The following FBXO10 variants were observed in gnomAD, a reference collection of about 807,000 sequenced individuals.
FBXO10 encodes the protein F-box only protein 10.
A neutral mutation model predicts 80.7 loss-of-function variants in FBXO10; 39 were observed. The ratio of observed to expected loss-of-function variants is 0.48; its 90% CI spans 0.37 to 0.63. The LOEUF (loss-of-function observed/expected upper bound fraction) is 0.63. Among genes scored for constraint, FBXO10 ranks in the 30% least tolerant of loss-of-function variants. The probability of loss-of-function intolerance (pLI) is 0.00; values close to 1 mark genes in which losing one functional copy is unlikely to be tolerated. For synonymous variants in FBXO10, 449 were observed against 489.6 expected, an observed-to-expected ratio of 0.92 and a Z score of 1.09; for missense variants, 1,025 against 1,269.0, an observed-to-expected ratio of 0.81 and a Z score of 2.92.
chr9:37,513,841 C>T (rs1442119959), intron 10 of FBXO10, among the ~76,000 whole-genome samples: 3 of 152,136 alleles, frequency 2.0e-5, no homozygotes, highest in Non-Finnish European at 2.9e-5. Context: ...CCACCCACCT[C>T]GGCCTCCCAA....
At chr9:37,526,121 G>T (rs538765894) in intron 5 of FBXO10, among the ~76,000 whole-genome samples, 1 of 152,088 alleles carries the variant, frequency 6.6e-6, no homozygotes, top group East Asian at 1.9e-4. Context: ...ATACAGGAGG[G>T]ATGAGAAAAC....
chr9:37,531,113 T>G (rs892435828), intron 4 of FBXO10, among the ~76,000 whole-genome samples: 6 of 152,296 alleles, frequency 3.9e-5, no homozygotes, highest in African/African-American at 1.2e-4. Flanking sequence ...TAATAATTCT[T>G]CACAGGGTTC....
chr9:37,567,700 T>G (rs1341199597), intron 1 of FBXO10, among the ~76,000 whole-genome samples: 3 of 152,090 alleles, frequency 2.0e-5, no homozygotes, highest in Admixed American at 2.0e-4. Flanking sequence ...TGGCTAATTT[T>G]TGCATTTTTA....
chr9:37,528,680 C>T (rs778263439), intron 5 of FBXO10, among the ~76,000 whole-genome samples: 2 of 152,216 alleles, frequency 1.3e-5, no homozygotes, highest in African/African-American at 2.4e-5. Context: ...AGGACTGCCA[C>T]TGCTGCCTCC....
chr9:37,530,159 T>C (rs1302567728), intron 4 of FBXO10, among the ~76,000 whole-genome samples: 1 of 152,256 alleles, frequency 6.6e-6, no homozygotes, highest in Non-Finnish European at 1.5e-5. Flanking sequence ...TCTAAGTTAA[T>C]TTATAGCTGA....
At chr9:37,518,477 G>A (rs1459799080) in intron 8 of FBXO10, 39 bp from the exon 9 acceptor site, 27 of 1,521,696 alleles carry the variant, frequency 1.8e-5, no homozygotes, top group Non-Finnish European at 2.2e-5. Context: ...GGGGTCCCAG[G>A]GTCAGCCCTG....
At chr9:37,545,923 G>C (rs139633087) in intron 1 of FBXO10, among the ~76,000 whole-genome samples, 14 of 152,098 alleles carry the variant, frequency 9.2e-5, no homozygotes, top group African/African-American at 3.4e-4. Flanking sequence ...GAGGTGGGTG[G>C]ATCACTTGAA....
At chr9:37,518,804 G>C (rs1017152007) in intron 8 of FBXO10, among the ~76,000 whole-genome samples, 5 of 152,094 alleles carry the variant, frequency 3.3e-5, no homozygotes, top group African/African-American at 4.8e-5. Context: ...CCGCCTCAAG[G>C]CTGCTCACTC....
At chr9:37,514,691 G>A (rs959800216) in intron 10 of FBXO10, among the ~76,000 whole-genome samples, 5 of 152,030 alleles carry the variant, frequency 3.3e-5, no homozygotes, top group South Asian at 4.1e-4. Context: ...AAAATCAGCC[G>A]GGAGTGGTGG....
chr9:37,538,525 T>A (rs1821834665), intron 2 of FBXO10, among the ~76,000 whole-genome samples: 1 of 152,018 alleles, frequency 6.6e-6, no homozygotes, highest in Non-Finnish European at 1.5e-5. Flanking sequence ...CTTGTCAACA[T>A]GGTGAAACCT....
intron 2 of FBXO10, among the ~76,000 whole-genome samples, chr9:37,540,332 C>A (rs1821879212): frequency 6.6e-6 from 1 of 151,980 alleles, no homozygotes. Context: ...GGATTACAGG[C>A]ACCTGCCACC....
intron 5 of FBXO10, among the ~76,000 whole-genome samples, chr9:37,526,249 T>C (rs188509553): frequency 6.6e-6 from 1 of 152,200 alleles, no homozygotes; most frequent in East Asian, 1.9e-4. Flanking sequence ...GAAACATATA[T>C]AACATATAAA....
rs117343700 is a variant in FBXO10, at chr9:37,536,990, C to T, written c.1419+120G>A. The T allele has an allele frequency of 1.2e-4, 90 of 723,710 alleles. 2 individuals are homozygous for T. Among genetic ancestry groups the T allele is most frequent in the South Asian group, 5.9e-4 (30 of 50,596 alleles). 44.8% of individuals were successfully genotyped at this position (723,710 alleles called of 1,614,324 possible). ...TTTCCAAATCAGATGATGGGCATGACGTCAAGCGTGCGTGAATAAGTTTAA... is the reference window on the plus strand; with the variant it reads ...TTTCCAAATCAGATGATGGGCATGATGTCAAGCGTGCGTGAATAAGTTTAA... On this transcript the variant is annotated intron_variant, in intron 3 of 10. Coordinates refer to ENST00000432825, the MANE Select transcript of FBXO10 (RefSeq NM_012166.3).
In FBXO10 at chr9:37,521,648, C is replaced by T; in HGVS notation, c.2121G>A (p.Glu707=). The T allele has an allele frequency of 6.2e-7, 1 of 1,613,950 alleles. No individual in the cohort carries two copies. The highest frequency in any genetic ancestry group is 8.5e-7 in the Non-Finnish European group (1 of 1,179,880). ...EDGDAILWET[E]LEKEDDPLRR... ...GCAGTGGGTCGTCCTCCTTCTCCAG[C>T]TCTGTCTCCCAGAGGATGGCGTCCC... is the stretch of plus-strand genomic sequence containing the variant. Residue 707 remains glutamate, a synonymous_variant, in exon 8 of 11, where the codon GAG becomes GAA. Coordinates refer to ENST00000432825, the MANE Select transcript of FBXO10 (RefSeq NM_012166.3).
At chr9:37,533,316 T>A (rs891795216) in intron 3 of FBXO10, among the ~76,000 whole-genome samples, 1 of 149,238 alleles carries the variant, frequency 6.7e-6, no homozygotes, top group Admixed American at 6.7e-5. Context: ...GAGGCCGAGG[T>A]GGGCGGATCA....
intron 1 of FBXO10, among the ~76,000 whole-genome samples, chr9:37,544,723 G>C (rs1822008785): frequency 6.6e-6 from 1 of 152,060 alleles, no homozygotes; most frequent in African/African-American, 2.4e-5. Flanking sequence ...GGCCGGGCGC[G>C]GTGGCTCACG....
At position 37,556,533 on chromosome 9, in the gene FBXO10, ATTTTTTTTTT is replaced by A. The variant is rs60829486; in HGVS notation, c.-6-14769_-6-14760del. Among the ~76,000 whole-genome samples the A allele has an allele frequency of 5.2e-4, 39 of 75,114 alleles. No homozygotes were observed. The South Asian group carries it at 0.016, about 32-fold the overall frequency. The allele number at this position is 75,114 out of a possible 152,430, so 49.3% of individuals were successfully genotyped here. A position where few individuals can be genotyped will look rare whatever the true frequency, so the allele number is the denominator to read the frequency against. On this transcript the variant is annotated intron_variant, in intron 1 of 10. Transcript: ENST00000432825. ...TCAGTTGAGGATATTTTTGTTCTGGATTTTTTTTTTTTTTTTTTTTTTTTTTTTGAGACAG... is the reference window on the plus strand; with the variant it reads ...TCAGTTGAGGATATTTTTGTTCTGGATTTTTTTTTTTTTTTTTTGAGACAG...
At position 37,551,899 on chromosome 9, in the gene FBXO10, A is replaced by T. The variant is rs117099863; in HGVS notation, c.-6-10125T>A. Among the ~76,000 whole-genome samples, 68 of 152,338 alleles carry T rather than the reference A, an allele frequency of 4.5e-4. No individual in the cohort carries two copies. The East Asian group carries it at 0.012, about 26-fold the overall frequency. The stretch of plus-strand genomic sequence containing the variant: ...TTAGAAGCAGCCATGCAACATCGTG[A>T]ATGCTCTGCTGCTTAGAGATTTCTT... On this transcript the variant is annotated intron_variant, in intron 1 of 10. Transcript: ENST00000432825.
At chr9:37,568,497 C>T (rs1458825841) in intron 1 of FBXO10, among the ~76,000 whole-genome samples, 1 of 152,202 alleles carries the variant, frequency 6.6e-6, no homozygotes, top group Non-Finnish European at 1.5e-5. Context: ...TGGCACACAT[C>T]CCCACCCACC....
Sources: gnomAD v4.1 joint callset for allele counts (sites outside exome capture counted in the v4.1 genomes callset) on GRCh38, gnomAD v4.1.1 for gene constraint, MANE v1.5 for transcripts, NCBI Gene and HGNC (gene_info 2026-07-23, HGNC 2026-07-21) for gene names.